Variants in SFI1 observed in about 807,000 individuals in gnomAD.
SFI1 encodes the protein SFI1 centrin binding protein.
Under a neutral mutation model 207.5 loss-of-function variants are expected in SFI1, and 195 were observed. The observed-to-expected ratio is 0.94, with a 90% CI of 0.84 to 1.06. The LOEUF (loss-of-function observed/expected upper bound fraction) is 1.06, where lower values mean the gene tolerates loss of function less well. SFI1 is among the 50% of genes least tolerant of loss of function. The pLI is 0.00. For missense variants in SFI1, 1,634 were observed against 1,588.0 expected (o/e 1.03, Z -0.49); for synonymous variants, 630 against 598.9 (o/e 1.05, Z -0.76).
intron 6 of SFI1, among the ~76,000 whole-genome samples, chr22:31,553,529 A>ATTTTT (rs71202096): frequency 0.012 from 953 of 82,600 alleles, 10 homozygotes; most frequent in Non-Finnish European, 0.017. Context: ...TAATTTTTGT[A>ATTTTT]TTTTTTTTTT....
At chr22:31,532,621 G>T (rs2058632386) in intron 4 of SFI1, among the ~76,000 whole-genome samples, 1 of 152,034 alleles carries the variant, frequency 6.6e-6, no homozygotes, top group Non-Finnish European at 1.5e-5. Flanking sequence ...AGCCAACTTG[G>T]CCTGTGTGTG....
intron 15 of SFI1, among the ~76,000 whole-genome samples, 176 bp downstream of exon 15, chr22:31,589,753 T>C (rs2065567218): frequency 6.6e-6 from 1 of 152,202 alleles, no homozygotes; most frequent in Non-Finnish European, 1.5e-5. Context: ...AAGACAGTGT[T>C]TCCCCTGGGA....
intron 1 of SFI1, among the ~76,000 whole-genome samples, chr22:31,498,382 T>G (rs2053123689): frequency 6.6e-6 from 1 of 151,940 alleles, no homozygotes; most frequent in African/African-American, 2.4e-5. Flanking sequence ...AAATTGAAAA[T>G]GTTCTGGAAA....
intron 20 of SFI1, 138 bp downstream of exon 20, chr22:31,605,083 C>T (rs2068745956): frequency 1.4e-6 from 1 of 705,758 alleles, no homozygotes; most frequent in African/African-American, 1.8e-5. Context: ...ATGGTCTTGG[C>T]TTTTCCACTT....
Position 31,613,435 on chromosome 22 carries a change from G to A in SFI1, c.2647G>A (p.Gly883Arg). Residue 883 changes from glycine (G) to arginine (R), a missense_variant, in exon 26 of 33, where the codon GGG becomes AGG. Transcript: ENST00000400288. ...RLQWALQAYQ[G>R]QLLQEGATRL... ...GCAGTGGGCGCTCCAGGCCTACCAG[G>A]GGCAGCTCCTCCAGGAGGGTGCCAC... 2 of 1,609,190 alleles carry A rather than the reference G, an allele frequency of 1.2e-6. No individual in the cohort carries two copies. The highest frequency in any genetic ancestry group is 1.7e-6 in the Non-Finnish European group (2 of 1,179,776).
chr22:31,508,498 T>G, intron 2 of SFI1, 122 bp downstream of exon 2: 1 of 655,358 alleles, frequency 1.5e-6, no homozygotes, highest in Admixed American at 3.1e-5. Context: ...AAGTTTTTTT[T>G]GTCATTGATA....
intron 8 of SFI1, among the ~76,000 whole-genome samples, chr22:31,567,972 G>C (rs1323436922): frequency 1.3e-5 from 2 of 152,062 alleles, no homozygotes; most frequent in African/African-American, 4.8e-5. Flanking sequence ...AAGTGTTATT[G>C]TTGCTAGGAG....
At chr22:31,547,513 G>A (rs888386895) in intron 5 of SFI1, among the ~76,000 whole-genome samples, 6 of 151,878 alleles carry the variant, frequency 4.0e-5, no homozygotes, top group Admixed American at 6.6e-5. Flanking sequence ...GTTATTTCAT[G>A]TTGGCTGGGC....
In SFI1 at chr22:31,606,323, T is replaced by G; in HGVS notation, c.2055-5T>G. On this transcript the variant is annotated splice_region_variant and splice_polypyrimidine_tract_variant and intron_variant, in intron 20 of 32. Transcript: ENST00000400288. ...TCTGCCTTCCTCGCACCCATGCATCTGCAGCGGGGCATTACGTCGCTGGAA... is the reference window on the plus strand; with the variant it reads ...TCTGCCTTCCTCGCACCCATGCATCGGCAGCGGGGCATTACGTCGCTGGAA... 2 of 1,613,322 alleles carry G rather than the reference T, an allele frequency of 1.2e-6. No homozygotes were observed. The highest frequency in any genetic ancestry group is 1.7e-6 in the Non-Finnish European group (2 of 1,179,586).
At chr22:31,564,169 TA>T (rs1470259926) in intron 8 of SFI1, among the ~76,000 whole-genome samples, 1 of 150,930 alleles carries the variant, frequency 6.6e-6, no homozygotes, top group African/African-American at 2.4e-5. Flanking sequence ...CTACTAAAAA[TA>T]CAAAAAATTA....
At chr22:31,531,847 T>A (rs747148587) in intron 4 of SFI1, among the ~76,000 whole-genome samples, 1 of 143,664 alleles carries the variant, frequency 7.0e-6, no homozygotes, top group Admixed American at 7.0e-5. Flanking sequence ...GAGCCAAGAT[T>A]GCACAGTTGC....
intron 22 of SFI1, among the ~76,000 whole-genome samples, chr22:31,610,150 C>G (rs2069822365): frequency 6.6e-6 from 1 of 152,124 alleles, no homozygotes; most frequent in African/African-American, 2.4e-5. Flanking sequence ...TCAGGCACAC[C>G]TTGGCAGGCC....
chr22:31,581,438 AC>A (rs1016525896), intron 12 of SFI1, among the ~76,000 whole-genome samples: 3 of 151,888 alleles, frequency 2.0e-5, no homozygotes, highest in Non-Finnish European at 4.4e-5. Flanking sequence ...ACAGGTGTGC[AC>A]CACCAAGCCC....
chr22:31,541,390 C>T (rs1042909213), intron 4 of SFI1, among the ~76,000 whole-genome samples: 2 of 151,984 alleles, frequency 1.3e-5, no homozygotes, highest in South Asian at 2.1e-4. Context: ...TTTAATGCGG[C>T]GTGGGGAATG....
intron 5 of SFI1, among the ~76,000 whole-genome samples, chr22:31,548,643 C>CAA (rs763681575): frequency 3.8e-5 from 4 of 106,470 alleles, no homozygotes; most frequent in Non-Finnish European, 8.0e-5. Flanking sequence ...ACTCCGTCTC[C>CAA]AAAAAAAAAA....
At chr22:31,542,318 A>T (rs966082863) in intron 4 of SFI1, among the ~76,000 whole-genome samples, 4 of 151,904 alleles carry the variant, frequency 2.6e-5, no homozygotes, top group African/African-American at 9.7e-5. Context: ...GTATTCCAAC[A>T]TATGGGTGCT....
In SFI1 at chr22:31,613,233, A is replaced by C; in HGVS notation, c.2565+17A>C. On this transcript the variant is annotated intron_variant, in intron 25 of 32. Coordinates refer to ENST00000400288, the MANE Select transcript of SFI1 (RefSeq NM_001007467.3). ...CAGGCAAAGGTAATTGGGGCTCTGC[A>C]TCCTACCATCCCTGCCTCTCCCTCA... 6.2e-7 allele frequency: 1 copy of C among 1,613,404 alleles called. No individual in the cohort carries two copies. The highest frequency in any genetic ancestry group is 8.5e-7 in the Non-Finnish European group (1 of 1,179,948).
intron 16 of SFI1, 48 bp from the exon 17 acceptor site, chr22:31,602,559 T>G: frequency 6.3e-7 from 1 of 1,595,686 alleles, no homozygotes; most frequent in East Asian, 2.2e-5. Context: ...CTTCTGTGCC[T>G]CTCTCCTACT....
At chr22:31,519,774 G>C (rs1039100932) in intron 2 of SFI1, among the ~76,000 whole-genome samples, 1 of 151,788 alleles carries the variant, frequency 6.6e-6, no homozygotes. Flanking sequence ...GGGTCTCTCT[G>C]TGTTGCCCAG....
Sources: gnomAD v4.1 joint callset for allele counts (sites outside exome capture counted in the v4.1 genomes callset) on GRCh38, gnomAD v4.1.1 for gene constraint, MANE v1.5 for transcripts, NCBI Gene and HGNC (gene_info 2026-07-23, HGNC 2026-07-21) for gene names.